The following DNAJC21 variants were observed in gnomAD, a reference collection of about 807,000 sequenced individuals.
DNAJC21 encodes dnaJ homolog subfamily C member 21.
A neutral mutation model predicts 72.4 loss-of-function variants in DNAJC21; 63 were observed. The ratio of observed to expected loss-of-function variants is 0.87; its 90% CI spans 0.71 to 1.07. The LOEUF is 1.07. Ranked by LOEUF, DNAJC21 falls within the 50% of genes least tolerant of loss-of-function variation. The probability of loss-of-function intolerance (pLI) is 0.00; values close to 1 mark genes in which losing one functional copy is unlikely to be tolerated. For missense variants in DNAJC21, 634 were observed against 644.8 expected (o/e 0.98, Z 0.18); for synonymous variants, 203 against 216.7 (o/e 0.94, Z 0.56).
chr5:34,954,513 A>T, intron 11 of DNAJC21, 40 bp from the exon 12 acceptor site: 1 of 1,554,624 alleles, frequency 6.4e-7, no homozygotes, highest in Non-Finnish European at 8.7e-7. Context: ...CTTTCAAGTG[A>T]TAACGCTTAC....
chr5:34,951,521 G>A lies in DNAJC21; in HGVS notation c.1358+1179G>A, dbSNP rs1765362569. 13 of 979,592 alleles carry A rather than the reference G, an allele frequency of 1.3e-5. No individual in the cohort carries two copies. The South Asian group carries it at 5.7e-4, about 43-fold the overall frequency. The allele number at this position is 979,592 out of a possible 1,614,324, so 60.7% of individuals were successfully genotyped here. A position where few individuals can be genotyped will look rare whatever the true frequency, so the allele number is the denominator to read the frequency against. On this transcript the variant is annotated intron_variant, in intron 10 of 11. Transcript: ENST00000648817. The stretch of plus-strand genomic sequence containing the variant: ...CATCTAAAACTAAAATGTTTTCCAT[G>A]TTACTTCTTTTTTTTTTTTTTTTGG...
At position 34,957,144 on chromosome 5, in the gene DNAJC21, AT is replaced by A. The variant is rs1765560940; in HGVS notation, c.*2435del. On this transcript the variant is annotated 3_prime_UTR_variant, in exon 12 of 12. Coordinates refer to ENST00000648817, the MANE Select transcript of DNAJC21 (RefSeq NM_001012339.3). ...CCATATATTTTGCTAAGGGTAAAAT[AT>A]TTTTGGTGAATTGCAGACATTTAAT... is the stretch of plus-strand genomic sequence containing the variant. 1 of 152,198 alleles carries A rather than the reference AT, an allele frequency of 6.6e-6. No individual in the cohort carries two copies. The highest frequency in any genetic ancestry group is 1.5e-5 in the Non-Finnish European group (1 of 68,036). The allele number at this position is 152,198 out of a possible 1,614,324, so 9.4% of individuals were successfully genotyped here. A position where few individuals can be genotyped will look rare whatever the true frequency, so the allele number is the denominator to read the frequency against.
At position 34,935,788 on chromosome 5, in the gene DNAJC21, C is replaced by G; in HGVS notation, c.270C>G (p.Arg90=). The G allele has an allele frequency of 6.2e-7, 1 of 1,613,976 alleles. No homozygotes were observed. The highest frequency in any genetic ancestry group is 8.5e-7 in the Non-Finnish European group (1 of 1,179,952). ...EYQDDSLDLL[R]YFTVTCYSGY... ...AAGATGACAGCTTAGATTTGCTACG[C>G]TATTTCACCGTTACCTGTTATTCTG... is the stretch of plus-strand genomic sequence containing the variant. The change falls in exon 3 of 12, where the codon CGC becomes CGG. Residue 90 remains arginine (R), a synonymous_variant. Coordinates refer to ENST00000648817, the MANE Select transcript of DNAJC21 (RefSeq NM_001012339.3).
intron 9 of DNAJC21, among the ~76,000 whole-genome samples, chr5:34,946,840 G>A (rs745466595): frequency 1.3e-5 from 2 of 152,128 alleles, no homozygotes; most frequent in Non-Finnish European, 2.9e-5. Context: ...ATGGAGCATA[G>A]ATTCTATTGA....
At chr5:34,941,257 G>A (rs1580531210) in intron 7 of DNAJC21, 74 bp downstream of exon 7, 2 of 1,360,520 alleles carry the variant, frequency 1.5e-6, no homozygotes, top group Non-Finnish European at 2.1e-6. Flanking sequence ...GAGTGCAGTG[G>A]CACAGTCATG....
chr5:34,938,791 C>A, intron 5 of DNAJC21, 67 bp from the exon 6 acceptor site: 1 of 1,449,914 alleles, frequency 6.9e-7, no homozygotes, highest in South Asian at 1.6e-5. Flanking sequence ...GATTTTAAAC[C>A]TAAGTAGTAA....
intron 10 of DNAJC21, chr5:34,952,266 G>T: frequency 2.0e-6 from 2 of 980,068 alleles, no homozygotes; most frequent in East Asian, 2.3e-4. Context: ...ACATATTTCT[G>T]ACATATCTGT....
At chr5:34,931,048 G>A (rs533805636) in intron 1 of DNAJC21, among the ~76,000 whole-genome samples, 9 of 152,266 alleles carry the variant, frequency 5.9e-5, no homozygotes, top group African/African-American at 2.2e-4. Context: ...AGGATAGCAT[G>A]GTGGAGGACA....
intron 10 of DNAJC21, among the ~76,000 whole-genome samples, chr5:34,953,000 A>C (rs1765427653): frequency 6.6e-6 from 1 of 151,964 alleles, no homozygotes; most frequent in Admixed American, 6.5e-5. Flanking sequence ...AAATACAAAA[A>C]TTAGCTGAGT....
At chr5:34,939,712 G>A (rs1006728827) in intron 6 of DNAJC21, among the ~76,000 whole-genome samples, 4 of 151,990 alleles carry the variant, frequency 2.6e-5, no homozygotes, top group East Asian at 3.9e-4. Flanking sequence ...GCTCCTCTTG[G>A]TGTGCCAAAA....
At chr5:34,935,053 G>A (rs1764726089) in intron 2 of DNAJC21, among the ~76,000 whole-genome samples, 1 of 152,160 alleles carries the variant, frequency 6.6e-6, no homozygotes, top group Admixed American at 6.5e-5. Flanking sequence ...TTTAGTCAAA[G>A]CTCTTGCCTA....
intron 10 of DNAJC21, 25 bp downstream of exon 10, chr5:34,950,367 G>T (rs1397378192): frequency 1.3e-6 from 2 of 1,598,596 alleles, no homozygotes; most frequent in East Asian, 4.5e-5. Context: ...CATATTATTT[G>T]TAAATTACTG....
At chr5:34,931,097 GTA>G (rs1764574283) in intron 1 of DNAJC21, among the ~76,000 whole-genome samples, 6 of 152,184 alleles carry the variant, frequency 3.9e-5, no homozygotes, top group Admixed American at 2.6e-4. Context: ...AAGGTGGTGT[GTA>G]TTGCAGGTCT....
Position 34,949,601 on chromosome 5 carries a change from A to G in DNAJC21, c.1186-569A>G, listed in dbSNP as rs1765288331. 2 of 1,591,108 alleles carry G rather than the reference A, an allele frequency of 1.3e-6. No homozygotes were observed. The highest frequency in any genetic ancestry group is 1.3e-5 in the African/African-American group (1 of 74,712). ...GCTCACTTTCAGATGGCTTGGGGAA[A>G]AAAGTGTGTGTTGGGAGAGAGAAGA... On this transcript the variant is annotated intron_variant, in intron 9 of 11. Transcript: ENST00000648817.
chr5:34,932,485 A>G (rs186803495), intron 1 of DNAJC21, among the ~76,000 whole-genome samples: 10 of 152,304 alleles, frequency 6.6e-5, no homozygotes, highest in African/African-American at 2.4e-4. Context: ...TACGTTCTGA[A>G]TATATTAGTT....
At chr5:34,949,729 T>G (rs1765297342) in intron 9 of DNAJC21, 2 of 1,607,274 alleles carry the variant, frequency 1.2e-6, no homozygotes, top group African/African-American at 2.7e-5. Flanking sequence ...TGCCTGTTTG[T>G]TGTTGCCATT....
rs1416410898 is a variant in DNAJC21, at chr5:34,952,213, AT to A, written c.1359-1712del. ...TTCAGAGATGTAACTGTCTTTCATA[AT>A]ATAAGTGATGTTTGCCAGGAATATT... On this transcript the variant is annotated intron_variant, in intron 10 of 11. Coordinates refer to ENST00000648817, the MANE Select transcript of DNAJC21 (RefSeq NM_001012339.3). 3 of 985,120 alleles carry A rather than the reference AT, an allele frequency of 3.0e-6. No individual in the cohort carries two copies. The African/African-American group carries it at 5.2e-5, about 17-fold the overall frequency. The allele number at this position is 985,120 out of a possible 1,614,324, so 61.0% of individuals were successfully genotyped here. A position where few individuals can be genotyped will look rare whatever the true frequency, so the allele number is the denominator to read the frequency against.
chr5:34,930,435 C>G (rs1227110951), intron 1 of DNAJC21: 1 of 151,402 alleles, frequency 6.6e-6, no homozygotes, highest in Non-Finnish European at 1.5e-5. Context: ...AATAGGGATG[C>G]GCTTTTTTCG....
chr5:34,936,590 T>C (rs12517170), intron 4 of DNAJC21, among the ~76,000 whole-genome samples: 23,375 of 152,210 alleles, frequency 0.15, 2,043 homozygotes, highest in South Asian at 0.22. Context: ...ATTACAGGCA[T>C]GAGCCACAGC....
Sources: gnomAD v4.1 joint callset for allele counts (sites outside exome capture counted in the v4.1 genomes callset) on GRCh38, gnomAD v4.1.1 for gene constraint, MANE v1.5 for transcripts, NCBI Gene and HGNC (gene_info 2026-07-23, HGNC 2026-07-21) for gene names.